Variants in HDAC9 observed in about 807,000 individuals in gnomAD.
The protein encoded by HDAC9 is histone deacetylase 9.
A neutral mutation model predicts 139.4 loss-of-function variants in HDAC9; 41 were observed. The observed-to-expected ratio is 0.29, with a 90% CI of 0.23 to 0.38. HDAC9 has a LOEUF of 0.38. Ranked by LOEUF, HDAC9 falls within the 10% of genes least tolerant of loss-of-function variation. The pLI is 1.00. For synonymous variants in HDAC9, 517 were observed against 476.2 expected, an observed-to-expected ratio of 1.09 and a Z score of -1.12; for missense variants, 1,147 against 1,297.0, an observed-to-expected ratio of 0.88 and a Z score of 1.78.
In HDAC9 at chr7:18,137,858, C is replaced by T. The variant is rs190527473; in HGVS notation, c.-96-24371C>T. On this transcript the variant is annotated intron_variant, in intron 1 of 12. Transcript: ENST00000417496. ...AAGGATTCCCTCTTTTTCTATTGAT[C>T]GGAATAGTTTCAGAAGGAATGGTAC... 1.9e-3 allele frequency among the ~76,000 whole-genome samples: 289 copies of T among 152,084 alleles called. 2 individuals are homozygous for T. The highest frequency in any genetic ancestry group is 5.5e-3 in the African/African-American group (227 of 41,472).
At chr7:18,491,064 C>A (rs1450399175), upstream of HDAC9, among the ~76,000 whole-genome samples, 2 of 151,860 alleles carry the variant, frequency 1.3e-5, no homozygotes, top group Non-Finnish European at 2.9e-5. Flanking sequence ...AATTGGGTTA[C>A]ATTACCTCCT....
intron 1 of HDAC9, among the ~76,000 whole-genome samples, chr7:18,146,288 A>G (rs542171441): frequency 1.2e-4 from 18 of 152,330 alleles, no homozygotes; most frequent in Admixed American, 1.0e-3. Context: ...TACGTTGAAT[A>G]GTATTCTATA....
chr7:18,624,730 G>T (rs1841176120), intron 6 of HDAC9, among the ~76,000 whole-genome samples: 1 of 151,640 alleles, frequency 6.6e-6, no homozygotes, highest in African/African-American at 2.4e-5. Flanking sequence ...CAGCACACTA[G>T]GCCATTAATT....
Position 18,788,769 on chromosome 7 carries a change from A to AAG in HDAC9, c.2215-4574_2215-4573dup, listed in dbSNP as rs1554356027. 4.7e-3 allele frequency among the ~76,000 whole-genome samples: 716 copies of AAG among 151,088 alleles called. 5 individuals are homozygous for AAG. Among genetic ancestry groups the AAG allele is most frequent in the African/African-American group, 0.016 (662 of 41,198 alleles). ...GACTCTGTTTAAAAAAAAAAAAAAA[A>AAG]AGACCCAAATATCAACCAAAGTGAA... On this transcript the variant is annotated intron_variant, in intron 16 of 25. Coordinates refer to ENST00000686413, the MANE Select transcript of HDAC9 (RefSeq NM_178425.4).
intron 2 of HDAC9, among the ~76,000 whole-genome samples, chr7:18,500,046 C>T (rs1280450730): frequency 6.6e-6 from 1 of 152,028 alleles, no homozygotes; most frequent in Non-Finnish European, 1.5e-5. Context: ...ACTTGCAAGT[C>T]TGTTATCAAT....
chr7:18,148,228 TGGGCTACACTCACGGTATCCGCA>T lies in HDAC9; in HGVS notation c.-96-13995_-96-13973del, dbSNP rs1786494529. Among the ~76,000 whole-genome samples, 8 of 152,320 alleles carry T rather than the reference TGGGCTACACTCACGGTATCCGCA, an allele frequency of 5.3e-5. No individual in the cohort carries two copies. In the South Asian group the frequency reaches 1.7e-3, roughly 32 times the overall value. On this transcript the variant is annotated intron_variant, in intron 1 of 12. Coordinates refer to the HDAC9 transcript ENST00000417496. ...ATGAGAAATCTGACATGGTTCACAC[TGGGCTACACTCACGGTATCCGCA>T]GGGCTGTGTTTCTTCTGGAACCTGT...
intron 16 of HDAC9, among the ~76,000 whole-genome samples, chr7:18,769,963 G>A (rs955474462): frequency 4.6e-5 from 7 of 152,072 alleles, no homozygotes; most frequent in East Asian, 3.9e-4. Context: ...TAAAGTAAAC[G>A]CCAGTTCCTT....
At chr7:18,831,725 C>T (rs946621913) in intron 19 of HDAC9, among the ~76,000 whole-genome samples, 1 of 152,156 alleles carries the variant, frequency 6.6e-6, no homozygotes, top group South Asian at 2.1e-4. Context: ...TTGAGACATC[C>T]GTTCTCCCTG....
At chr7:18,898,515 C>A (rs950504493) in intron 22 of HDAC9, among the ~76,000 whole-genome samples, 1 of 151,712 alleles carries the variant, frequency 6.6e-6, no homozygotes, top group Non-Finnish European at 1.5e-5. Flanking sequence ...TTTCTGAAGG[C>A]GTTTCCTTTG....
At chr7:18,580,196 AATT>A (rs553221187) in intron 2 of HDAC9, among the ~76,000 whole-genome samples, 322 of 152,334 alleles carry the variant, frequency 2.1e-3, no homozygotes, top group African/African-American at 7.4e-3. Flanking sequence ...AAATAAATGT[AATT>A]ATTATGAACA....
intron 24 of HDAC9, 146 bp from the exon 25 acceptor site, chr7:18,975,660 C>G (rs1257311904): frequency 1.4e-6 from 1 of 729,660 alleles, no homozygotes; most frequent in Non-Finnish European, 2.3e-6. Flanking sequence ...AAGACCCAAT[C>G]ATAACAGTTA....
At chr7:18,873,000 A>G (rs368433613) in intron 21 of HDAC9, among the ~76,000 whole-genome samples, 2 of 152,142 alleles carry the variant, frequency 1.3e-5, no homozygotes, top group East Asian at 3.9e-4. Context: ...TTGATAAAGC[A>G]CTCCTAATTC....
intron 21 of HDAC9, among the ~76,000 whole-genome samples, chr7:18,852,457 T>C (rs772394690): frequency 6.6e-6 from 1 of 152,144 alleles, no homozygotes; most frequent in South Asian, 2.1e-4. Flanking sequence ...TGGGTGTTAA[T>C]CTTGTACAAT....
chr7:18,729,165 T>C (rs1178130), intron 13 of HDAC9, among the ~76,000 whole-genome samples: 47,787 of 151,988 alleles, frequency 0.31, 8,935 homozygotes, highest in East Asian at 0.53. Flanking sequence ...TAAGAATTAC[T>C]TACTCTCTAT....
intron 2 of HDAC9, among the ~76,000 whole-genome samples, chr7:18,548,700 T>C (rs532592085): frequency 1.1e-4 from 16 of 152,050 alleles, no homozygotes; most frequent in African/African-American, 3.9e-4. Context: ...ACCAGAGCAA[T>C]AAGGAAATGG....
intron 1 of HDAC9, among the ~76,000 whole-genome samples, chr7:18,488,654 C>G (rs974502596): frequency 1.3e-5 from 2 of 151,992 alleles, no homozygotes; most frequent in African/African-American, 4.8e-5. Flanking sequence ...TCTGGAAGCT[C>G]TGTCATGACT....
chr7:18,745,388 T>C (rs575686178), intron 13 of HDAC9, among the ~76,000 whole-genome samples: 19 of 152,280 alleles, frequency 1.2e-4, no homozygotes, highest in African/African-American at 4.6e-4. Flanking sequence ...TACCATTACC[T>C]GTTTCACAAT....
intron 1 of HDAC9, among the ~76,000 whole-genome samples, chr7:18,334,793 T>C (rs1017728265): frequency 1.3e-5 from 2 of 151,548 alleles, no homozygotes; most frequent in Admixed American, 6.6e-5. Context: ...GTTCGATGTC[T>C]ATAAGGAGAG....
intron 21 of HDAC9, among the ~76,000 whole-genome samples, chr7:18,839,212 C>T (rs930852196): frequency 1.3e-5 from 2 of 152,012 alleles, no homozygotes; most frequent in Non-Finnish European, 2.9e-5. Context: ...TGGGGTCTTA[C>T]ATGCCAGGTC....
Sources: allele counts gnomAD v4.1 joint callset (sites outside exome capture counted in the v4.1 genomes callset), GRCh38; gene constraint gnomAD v4.1.1; transcripts MANE v1.5; gene names NCBI Gene and HGNC (gene_info 2026-07-23, HGNC 2026-07-21).